Variants in CADM2 observed in about 807,000 individuals in gnomAD.
CADM2 encodes the protein cell adhesion molecule 2, also known as immunoglobulin superfamily member 4D.
CADM2 carries 12 observed loss-of-function variants against 49.8 expected under a neutral mutation model. The ratio of observed to expected loss-of-function variants is 0.24; its 90% CI spans 0.15 to 0.39. The LOEUF (loss-of-function observed/expected upper bound fraction) is 0.39. CADM2 is among the 10% of genes least tolerant of loss of function. The probability of loss-of-function intolerance (pLI) is 1.00; values close to 1 mark genes in which losing one functional copy is unlikely to be tolerated. For missense variants in CADM2, 378 were observed against 492.3 expected (o/e 0.77, Z 2.20); for synonymous variants, 214 against 175.4 (o/e 1.22, Z -1.74).
At chr3:85,134,402 C>A (rs756725858) in intron 1 of CADM2, among the ~76,000 whole-genome samples, 8 of 152,260 alleles carry the variant, frequency 5.3e-5, no homozygotes, top group African/African-American at 1.9e-4. Flanking sequence ...GCCGTGGGGA[C>A]TGCCAGCACG....
intron 1 of CADM2, among the ~76,000 whole-genome samples, chr3:85,454,754 T>G (rs1262483467): frequency 1.3e-5 from 2 of 152,142 alleles, no homozygotes; most frequent in African/African-American, 2.4e-5. Context: ...CCAACTGAAG[T>G]GCTAAAGCAT....
At chr3:85,249,197 T>C (rs2042720379) in intron 1 of CADM2, among the ~76,000 whole-genome samples, 1 of 152,130 alleles carries the variant, frequency 6.6e-6, no homozygotes, top group African/African-American at 2.4e-5. Context: ...AAATGTCTTC[T>C]GCCCCAAACC....
At chr3:85,039,368 ATTTT>A (rs11348826) in intron 1 of CADM2, among the ~76,000 whole-genome samples, 2 of 145,894 alleles carry the variant, frequency 1.4e-5, no homozygotes, top group African/African-American at 2.5e-5. Flanking sequence ...AAGATAATGT[ATTTT>A]TTTTTTTTTT....
chr3:85,920,280 A>C (rs1718930635), intron 6 of CADM2, among the ~76,000 whole-genome samples: 1 of 151,914 alleles, frequency 6.6e-6, no homozygotes, highest in South Asian at 2.1e-4. Context: ...TATATATAGC[A>C]TAAGGGCACA....
Position 85,921,296 on chromosome 3 carries a change from A to G in CADM2, c.700+8753A>G, listed in dbSNP as rs578033784. 2.6e-5 allele frequency among the ~76,000 whole-genome samples: 4 copies of G among 152,038 alleles called. No homozygotes were observed. In the South Asian group the frequency reaches 8.3e-4, roughly 32 times the overall value. On this transcript the variant is annotated intron_variant, in intron 6 of 9. Transcript: ENST00000383699. ...GAAATTTTTGTATTTCTACTTTCTG[A>G]ATAAACTATAAACACACACACATAC...
intron 1 of CADM2, among the ~76,000 whole-genome samples, chr3:85,148,455 A>T (rs2039820564): frequency 6.6e-6 from 1 of 152,256 alleles, no homozygotes; most frequent in African/African-American, 2.4e-5. Context: ...GACAGAAATT[A>T]GAATTGTTGG....
chr3:85,925,791 C>T (rs1719750662), intron 6 of CADM2, among the ~76,000 whole-genome samples: 1 of 152,110 alleles, frequency 6.6e-6, no homozygotes, highest in Non-Finnish European at 1.5e-5. Context: ...TCTCTAGTAG[C>T]TCCCTATCTT....
At chr3:85,912,301 A>T in intron 5 of CADM2, 72 bp from the exon 6 acceptor site, 4 of 1,133,482 alleles carry the variant, frequency 3.5e-6, no homozygotes, top group South Asian at 1.8e-5. Flanking sequence ...AGCTGTTTCC[A>T]TTATCTTGAG....
intron 1 of CADM2, among the ~76,000 whole-genome samples, chr3:85,021,490 G>A (rs1450893778): frequency 3.3e-5 from 5 of 151,774 alleles, no homozygotes; most frequent in African/African-American, 9.7e-5. Flanking sequence ...TTAAAAATAC[G>A]CAGGCCGAGT....
At chr3:86,046,653 C>G (rs531290192) in intron 8 of CADM2, among the ~76,000 whole-genome samples, 4 of 152,178 alleles carry the variant, frequency 2.6e-5, no homozygotes, top group Non-Finnish European at 5.9e-5. Context: ...ATTGAGAAAT[C>G]CTGAGTCCTA....
chr3:85,163,770 G>C (rs932261631), intron 1 of CADM2, among the ~76,000 whole-genome samples: 3 of 151,968 alleles, frequency 2.0e-5, no homozygotes, highest in Non-Finnish European at 4.4e-5. Flanking sequence ...CCTTGATTGA[G>C]ATGTAATTCA....
At chr3:85,541,067 A>G (rs1430774304) in intron 1 of CADM2, among the ~76,000 whole-genome samples, 2 of 151,878 alleles carry the variant, frequency 1.3e-5, no homozygotes, top group Non-Finnish European at 2.9e-5. Context: ...TGAGGGGTAC[A>G]ATTCAGTCCA....
chr3:85,751,537 C>T (rs938104336), intron 2 of CADM2, among the ~76,000 whole-genome samples: 1 of 152,092 alleles, frequency 6.6e-6, no homozygotes. Flanking sequence ...AGAGACTTGT[C>T]ATCAATACAC....
At chr3:85,916,712 G>A (rs1445204695) in intron 6 of CADM2, among the ~76,000 whole-genome samples, 3 of 151,840 alleles carry the variant, frequency 2.0e-5, no homozygotes, top group African/African-American at 7.3e-5. Flanking sequence ...GGGTCAAATG[G>A]TATTTCTAGT....
At chr3:85,606,479 T>C (rs1051007244) in intron 1 of CADM2, among the ~76,000 whole-genome samples, 2 of 152,246 alleles carry the variant, frequency 1.3e-5, no homozygotes, top group African/African-American at 4.8e-5. Context: ...TAAAAACATA[T>C]GCATATTAGA....
intron 1 of CADM2, among the ~76,000 whole-genome samples, chr3:85,145,893 A>G (rs535538974): frequency 7.2e-5 from 11 of 152,270 alleles, no homozygotes; most frequent in South Asian, 6.2e-4. Flanking sequence ...TAACACGGCA[A>G]TGGTAGAATC....
intron 1 of CADM2, among the ~76,000 whole-genome samples, chr3:85,440,300 C>T (rs972430978): frequency 4.6e-5 from 7 of 152,140 alleles, no homozygotes; most frequent in Admixed American, 1.3e-4. Context: ...ACACACCCCA[C>T]GTCATTCTTC....
intron 1 of CADM2, among the ~76,000 whole-genome samples, chr3:85,457,325 G>A (rs1244858908): frequency 6.6e-6 from 1 of 151,808 alleles, no homozygotes; most frequent in Non-Finnish European, 1.5e-5. Flanking sequence ...AGGCAGGAAG[G>A]TCGCTTGAGC....
chr3:85,120,725 T>G (rs2038833452), intron 1 of CADM2, among the ~76,000 whole-genome samples: 2 of 152,054 alleles, frequency 1.3e-5, no homozygotes, highest in South Asian at 2.1e-4. Context: ...ATACGTCATG[T>G]AGATGACAGG....
Sources: gnomAD v4.1 joint callset for allele counts (sites outside exome capture counted in the v4.1 genomes callset) on GRCh38, gnomAD v4.1.1 for gene constraint, MANE v1.5 for transcripts, NCBI Gene and HGNC (gene_info 2026-07-23, HGNC 2026-07-21) for gene names.